The following EIF4EBP1 variants were observed in gnomAD, a reference collection of about 807,000 sequenced individuals.
EIF4EBP1 encodes eukaryotic translation initiation factor 4E binding protein 1.
EIF4EBP1 carries 5 observed loss-of-function variants against 9.2 expected under a neutral mutation model. The ratio of observed to expected loss-of-function variants is 0.54; its 90% CI spans 0.28 to 1.14. EIF4EBP1 has a LOEUF of 1.14. Ranked by LOEUF, EIF4EBP1 falls within the 50% of genes most tolerant of loss-of-function variation. The pLI is 0.09. For missense variants in EIF4EBP1, 139 were observed against 169.6 expected, an observed-to-expected ratio of 0.82 and a Z score of 1.00; for synonymous variants, 62 against 67.0, an observed-to-expected ratio of 0.93 and a Z score of 0.36.
chr8:38,042,085 A>T (rs527451307), intron 1 of EIF4EBP1, among the ~76,000 whole-genome samples: 2 of 151,946 alleles, frequency 1.3e-5, no homozygotes, highest in African/African-American at 4.8e-5. Context: ...ATTGCAGGCC[A>T]TCACCCAAAC....
chr8:38,059,794 C>G, intron 2 of EIF4EBP1, 110 bp from the exon 3 acceptor site: 1 of 1,011,402 alleles, frequency 9.9e-7, no homozygotes, highest in Non-Finnish European at 1.5e-6. Context: ...AACTTATTTT[C>G]TTTATAAATT....
intron 1 of EIF4EBP1, among the ~76,000 whole-genome samples, chr8:38,055,546 ATTTC>A (rs1809583331): frequency 6.6e-6 from 1 of 151,880 alleles, no homozygotes; most frequent in African/African-American, 2.4e-5. Context: ...GATATTTAAT[ATTTC>A]TTTATATCAC....
intron 1 of EIF4EBP1, among the ~76,000 whole-genome samples, chr8:38,039,988 A>C: frequency 6.6e-6 from 1 of 152,134 alleles, no homozygotes; most frequent in East Asian, 1.9e-4. Context: ...TCCTGGGCTC[A>C]AGCAATCTTC....
intron 1 of EIF4EBP1, among the ~76,000 whole-genome samples, chr8:38,034,443 G>T (rs1809272734): frequency 6.6e-6 from 1 of 152,150 alleles, no homozygotes; most frequent in African/African-American, 2.4e-5. Flanking sequence ...AATTGCCGAA[G>T]GGAGTGTCAT....
chr8:38,032,018 A>G (rs972718669), intron 1 of EIF4EBP1, among the ~76,000 whole-genome samples: 2 of 152,208 alleles, frequency 1.3e-5, no homozygotes, highest in African/African-American at 4.8e-5. Context: ...TTTGTAGTCC[A>G]TGCTGTTCTC....
At chr8:38,037,925 C>T (rs1245616265) in intron 1 of EIF4EBP1, among the ~76,000 whole-genome samples, 1 of 151,948 alleles carries the variant, frequency 6.6e-6, no homozygotes, top group Non-Finnish European at 1.5e-5. Context: ...AGGCACACAC[C>T]ACCACGCCTG....
rs1167413162 is a variant in EIF4EBP1 at position 38,030,619 on chromosome 8, C to G, written c.46C>G (p.Pro16Ala). Residue 16 changes from proline to alanine, a missense_variant, in exon 1 of 3, where the codon CCC becomes GCC. By Grantham distance (27) the Pro-to-Ala change is conservative. Transcript: ENST00000338825. ...SCSQTPSRAI[P>A]ATRRVVLGDG... ...CAGCCAGACCCCAAGCCGGGCCATC[C>G]CCGCCACTCGCCGGGTGGTGCTCGG... 1 of 1,515,776 alleles carries G rather than the reference C, an allele frequency of 6.6e-7. No homozygotes were observed. Among genetic ancestry groups the G allele is most frequent in the Non-Finnish European group, 8.8e-7 (1 of 1,138,574 alleles). 93.9% of individuals were successfully genotyped at this position (1,515,776 alleles called of 1,614,324 possible).
intron 1 of EIF4EBP1, among the ~76,000 whole-genome samples, chr8:38,038,743 T>C (rs1000056597): frequency 3.3e-5 from 5 of 151,764 alleles, no homozygotes; most frequent in African/African-American, 4.8e-5. Context: ...CTCGAGATGC[T>C]CAGCAGGGAC....
intron 2 of EIF4EBP1, among the ~76,000 whole-genome samples, chr8:38,057,944 A>G (rs943244339): frequency 1.3e-5 from 2 of 152,188 alleles, no homozygotes; most frequent in Non-Finnish European, 2.9e-5. Flanking sequence ...ATGATGCAGC[A>G]TAAGCACTTC....
intron 2 of EIF4EBP1, among the ~76,000 whole-genome samples, chr8:38,058,782 C>A (rs755070037): frequency 1.3e-5 from 2 of 152,154 alleles, no homozygotes; most frequent in African/African-American, 4.8e-5. Context: ...TGTCCCTGGC[C>A]CCTAAAAACA....
chr8:38,053,349 G>T (rs1324878293), intron 1 of EIF4EBP1, among the ~76,000 whole-genome samples: 3 of 151,570 alleles, frequency 2.0e-5, no homozygotes, highest in South Asian at 2.1e-4. Flanking sequence ...TTTGAGACAG[G>T]GTCTTGTTCT....
rs138157770 is a variant in EIF4EBP1, at chr8:38,047,693, C to G, written c.146-9388C>G. 7.6e-3 allele frequency among the ~76,000 whole-genome samples: 1,161 copies of G among 152,240 alleles called. 11 individuals are homozygous for G. Among genetic ancestry groups the G allele is most frequent in the African/African-American group, 0.026 (1,080 of 41,538 alleles). ...AAAGACAGGGTTTTGCCATGTTGGC[C>G]AGGCTGGTCTCGAACTCCTGACCTC... On this transcript the variant is annotated intron_variant, in intron 1 of 2. Transcript: ENST00000338825.
In EIF4EBP1 at chr8:38,060,094, C is replaced by A; in HGVS notation, c.*159C>A. ...CTCCCTCACTCAGGGCACCTGCCCC[C>A]TCCTCTTCGTGAACACCAGCAGATA... On this transcript the variant is annotated 3_prime_UTR_variant, in exon 3 of 3. Transcript: ENST00000338825. 1 of 713,970 alleles carries A rather than the reference C, an allele frequency of 1.4e-6. No individual in the cohort carries two copies. The allele number at this position is 713,970 out of a possible 1,614,324, so 44.2% of individuals were successfully genotyped here. A position where few individuals can be genotyped will look rare whatever the true frequency, so the allele number is the denominator to read the frequency against.
At chr8:38,059,868 A>G in intron 2 of EIF4EBP1, 36 bp from the exon 3 acceptor site, 1 of 1,494,646 alleles carries the variant, frequency 6.7e-7, no homozygotes, top group Non-Finnish European at 8.9e-7. Context: ...GCATTCACCC[A>G]TTGTTGACCT....
rs1281939340 is a variant in EIF4EBP1 at position 38,030,682 on chromosome 8, AC to A, written c.114del (p.Gly39AlafsTer21). On this transcript the variant is annotated frameshift_variant, in exon 1 of 3. Transcript: ENST00000338825. LOFTEE classifies it high-confidence loss of function. ...VQLPPGDYSTTPGGTLFSTTP... is the reference protein window; with the variant it reads ...VQLPPGDYSTXPGGTLFSTTP... ...GCTCCCGCCCGGGGACTACAGCACG[AC>A]CCCCGGCGGCACGCTCTTCAGCACC... 7 of 1,477,924 alleles carry A rather than the reference AC, an allele frequency of 4.7e-6. No homozygotes were observed. Among genetic ancestry groups the A allele is most frequent in the Admixed American group, 2.3e-5 (1 of 44,380 alleles). 91.6% of individuals were successfully genotyped at this position (1,477,924 alleles called of 1,614,324 possible). A position where few individuals can be genotyped will look rare whatever the true frequency, so the allele number is the denominator to read the frequency against.
intron 2 of EIF4EBP1, among the ~76,000 whole-genome samples, chr8:38,058,778 T>C (rs780124367): frequency 1.2e-4 from 18 of 152,334 alleles, no homozygotes; most frequent in Non-Finnish European, 1.9e-4. Context: ...GGGCTGTCCC[T>C]GGCCCCTAAA....
chr8:38,046,858 G>C (rs570992448), intron 1 of EIF4EBP1, among the ~76,000 whole-genome samples: 93 of 152,328 alleles, frequency 6.1e-4, no homozygotes, highest in Non-Finnish European at 8.2e-4. Context: ...GATAGTTCAA[G>C]ACCGAACCTT....
At position 38,053,024 on chromosome 8, in the gene EIF4EBP1, AT is replaced by A. The variant is rs550491935; in HGVS notation, c.146-4049del. Among the ~76,000 whole-genome samples, 3 of 151,772 alleles carry A rather than the reference AT, an allele frequency of 2.0e-5. No homozygotes were observed. In the East Asian group the frequency reaches 5.8e-4, roughly 29 times the overall value. On this transcript the variant is annotated intron_variant, in intron 1 of 2. Transcript: ENST00000338825. ...ACTTTTAAGTATAATTAATGATTTA[AT>A]TTTTTTTGAGACAGAGTCTTGCTTG...
Position 38,030,693 on chromosome 8 carries a change from C to G in EIF4EBP1, c.120C>G (p.Gly40=). ...GGGACTACAGCACGACCCCCGGCGG[C>G]ACGCTCTTCAGCACCACCCCGGGAG... is the stretch of plus-strand genomic sequence containing the variant. ...PPGDYSTTPG[G]TLFSTTPGGT... is the part of the protein sequence containing the mutation. The change falls in exon 1 of 3, where the codon GGC becomes GGG. Residue 40 remains glycine (G), a synonymous_variant. Coordinates refer to ENST00000338825, the MANE Select transcript of EIF4EBP1 (RefSeq NM_004095.4). 1 of 1,475,406 alleles carries G rather than the reference C, an allele frequency of 6.8e-7. No individual in the cohort carries two copies. Among genetic ancestry groups the G allele is most frequent in the Non-Finnish European group, 8.9e-7 (1 of 1,118,714 alleles). The allele number at this position is 1,475,406 out of a possible 1,614,324, so 91.4% of individuals were successfully genotyped here.
Sources: allele counts gnomAD v4.1 joint callset (sites outside exome capture counted in the v4.1 genomes callset), GRCh38; gene constraint gnomAD v4.1.1; transcripts MANE v1.5; gene names NCBI Gene and HGNC (gene_info 2026-07-23, HGNC 2026-07-21).